Variants in CENPW observed in about 807,000 individuals in gnomAD.
The protein encoded by CENPW is centromere protein W, also known as cancer-up-regulated gene 2 protein.
Under a neutral mutation model 11.1 loss-of-function variants are expected in CENPW, and 3 were observed. The observed-to-expected ratio is 0.27, with a 90% CI of 0.12 to 0.70. CENPW has a LOEUF of 0.70. Ranked by LOEUF, CENPW falls within the 30% of genes least tolerant of loss-of-function variation. CENPW has a pLI of 0.77. For missense variants in CENPW, 100 were observed against 105.6 expected (o/e 0.95, Z 0.23); for synonymous variants, 38 against 42.0 (o/e 0.91, Z 0.37).
chr6:126,387,404 G>A, the CENPW span, among the ~76,000 whole-genome samples: 6 of 151,994 alleles, frequency 3.9e-5, no homozygotes, highest in East Asian at 5.8e-4. Flanking sequence ...CCAATTTCAC[G>A]GAGGAAAGTT....
chr6:126,343,485 G>A (rs977961751), intron 1 of CENPW, among the ~76,000 whole-genome samples: 1 of 152,174 alleles, frequency 6.6e-6, no homozygotes, highest in Non-Finnish European at 1.5e-5. Flanking sequence ...GTCACAAGGT[G>A]AAGTCCCACA....
At chr6:126,349,776 A>C (rs566895540), downstream of CENPW, among the ~76,000 whole-genome samples, 6 of 152,262 alleles carry the variant, frequency 3.9e-5, no homozygotes, top group East Asian at 9.7e-4. Flanking sequence ...GGTAATCTGC[A>C]GGATTTTATA....
At chr6:126,371,060 C>G in the CENPW span, among the ~76,000 whole-genome samples, 1 of 152,158 alleles carries the variant, frequency 6.6e-6, no homozygotes, top group Non-Finnish European at 1.5e-5. Context: ...AGCCACCGTG[C>G]CTGGCAGGAT....
the CENPW span, among the ~76,000 whole-genome samples, chr6:126,437,200 A>G: frequency 2.0e-5 from 3 of 151,958 alleles, no homozygotes; most frequent in Non-Finnish European, 4.4e-5. Context: ...TCTTAAACAA[A>G]TGTGTTTAAA....
the CENPW span, among the ~76,000 whole-genome samples, chr6:126,385,115 GC>G: frequency 6.6e-6 from 1 of 152,094 alleles, no homozygotes; most frequent in Admixed American, 6.6e-5. Flanking sequence ...AATAACAGGT[GC>G]TGGCAAGGTT....
At chr6:126,449,106 A>G in the CENPW span, among the ~76,000 whole-genome samples, 2 of 151,108 alleles carry the variant, frequency 1.3e-5, no homozygotes, top group Non-Finnish European at 3.0e-5. Context: ...ATGTAAAAAA[A>G]CAAACCTTCT....
the CENPW span, among the ~76,000 whole-genome samples, chr6:126,409,621 A>C: frequency 6.6e-6 from 1 of 151,892 alleles, no homozygotes; most frequent in Non-Finnish European, 1.5e-5. Flanking sequence ...TTCACAATTG[A>C]TATATTGTAT....
the CENPW span, among the ~76,000 whole-genome samples, chr6:126,410,692 T>C: frequency 6.6e-6 from 1 of 151,878 alleles, no homozygotes; most frequent in South Asian, 2.1e-4. Flanking sequence ...TTACTCTTTT[T>C]CATTTTTTTC....
the CENPW span, among the ~76,000 whole-genome samples, chr6:126,387,807 T>G: frequency 2.0e-5 from 3 of 152,096 alleles, no homozygotes; most frequent in South Asian, 2.1e-4. Context: ...AGTTTGTATA[T>G]AGGCCAGAAA....
the CENPW span, among the ~76,000 whole-genome samples, chr6:126,390,349 C>T: frequency 6.6e-6 from 1 of 151,720 alleles, no homozygotes; most frequent in South Asian, 2.1e-4. Context: ...GGGTACATAG[C>T]AGGTGTATAT....
chr6:126,480,901 A>T, the CENPW span, among the ~76,000 whole-genome samples: 1 of 152,058 alleles, frequency 6.6e-6, no homozygotes, highest in Non-Finnish European at 1.5e-5. Flanking sequence ...TACCAGAGGT[A>T]AAACATTTAT....
the CENPW span, among the ~76,000 whole-genome samples, chr6:126,365,931 T>A: frequency 5.3e-5 from 8 of 152,328 alleles, no homozygotes; most frequent in South Asian, 1.4e-3. Context: ...GATTAAGCAG[T>A]TTGTTCTTAG....
At chr6:126,409,918 A>AT in the CENPW span, among the ~76,000 whole-genome samples, 1 of 151,892 alleles carries the variant, frequency 6.6e-6, no homozygotes, top group Non-Finnish European at 1.5e-5. Context: ...ATAAATTATT[A>AT]TTTTTTGGTG....
the CENPW span, among the ~76,000 whole-genome samples, chr6:126,465,590 A>C: frequency 7.2e-5 from 11 of 152,262 alleles, no homozygotes; most frequent in Non-Finnish European, 1.3e-4. Flanking sequence ...GAAAATTGGA[A>C]GTAAAATACT....
the CENPW span, among the ~76,000 whole-genome samples, chr6:126,365,199 G>T: frequency 6.6e-6 from 1 of 152,016 alleles, no homozygotes; most frequent in Non-Finnish European, 1.5e-5. Context: ...TGGGAGTCAG[G>T]GATATAATTA....
chr6:126,395,126 C>A, the CENPW span, among the ~76,000 whole-genome samples: 4 of 152,050 alleles, frequency 2.6e-5, no homozygotes, highest in African/African-American at 4.8e-5. Context: ...AATAAACTTT[C>A]TACTCCCCCT....
At chr6:126,439,005 T>C in the CENPW span, among the ~76,000 whole-genome samples, 194 of 151,850 alleles carry the variant, frequency 1.3e-3, 3 homozygotes, top group East Asian at 0.036. Flanking sequence ...AGCAAAGATA[T>C]GTATTTTTGT....
the CENPW span, among the ~76,000 whole-genome samples, chr6:126,361,182 G>A: frequency 5.9e-5 from 9 of 152,338 alleles, no homozygotes; most frequent in African/African-American, 2.2e-4. Context: ...ATGTATATTA[G>A]ATAATTTTGG....
At chr6:126,471,017 T>A in the CENPW span, among the ~76,000 whole-genome samples, 1 of 152,200 alleles carries the variant, frequency 6.6e-6, no homozygotes, top group South Asian at 2.1e-4. Context: ...TTTGGGTTAA[T>A]GCTGGAATGA....
Sources: allele counts gnomAD v4.1 joint callset (sites outside exome capture counted in the v4.1 genomes callset), GRCh38; gene constraint gnomAD v4.1.1; transcripts MANE v1.5; gene names NCBI Gene and HGNC (gene_info 2026-07-23, HGNC 2026-07-21).